ZC3H13: variants seen among roughly 807,000 people sequenced by gnomAD.
ZC3H13 encodes the protein zinc finger CCCH domain-containing protein 13.
ZC3H13 carries 64 observed loss-of-function variants against 204.1 expected under a neutral mutation model. The ratio of observed to expected loss-of-function variants is 0.31; its 90% confidence interval spans 0.26 to 0.39. The LOEUF is 0.39. ZC3H13 is among the 10% of genes least tolerant of loss of function. ZC3H13 has a pLI of 1.00. For missense variants in ZC3H13, 1,833 were observed against 2,082.7 expected, an observed-to-expected ratio of 0.88 and a Z score of 2.33; for synonymous variants, 667 against 693.7, an observed-to-expected ratio of 0.96 and a Z score of 0.60.
In ZC3H13 at chr13:46,028,480, G is replaced by A. The variant is rs185924632; in HGVS notation, c.340-7923C>T. Among the ~76,000 whole-genome samples the A allele has an allele frequency of 5.7e-4, 87 of 152,262 alleles. 1 individual carries two copies. The highest frequency in any genetic ancestry group is 8.4e-4 in the Non-Finnish European group (57 of 68,026). ...AACAAAATTGATATAATTGATTATA[G>A]ATGGCTTTATCTAACAACAGCAAAA... On this transcript the variant is annotated intron_variant, in intron 4 of 18. Transcript: ENST00000679008.
intron 7 of ZC3H13, among the ~76,000 whole-genome samples, chr13:46,005,726 T>A (rs2041092802): frequency 6.6e-6 from 1 of 152,186 alleles, no homozygotes; most frequent in African/African-American, 2.4e-5. Flanking sequence ...TGGGCTCAAG[T>A]GATCTGTCCA....
At chr13:46,041,263 C>T (rs958792399) in intron 4 of ZC3H13, among the ~76,000 whole-genome samples, 5 of 152,040 alleles carry the variant, frequency 3.3e-5, no homozygotes, top group Admixed American at 6.6e-5. Context: ...GAATAAAATA[C>T]TGATGCATCC....
rs1393846343 is a variant in ZC3H13 at position 45,985,517 on chromosome 13, G to A, written c.1500C>T (p.Ser500=). The change falls in exon 10 of 19, where the codon TCC becomes TCT. Residue 500 remains serine (S), a synonymous_variant. Coordinates refer to ENST00000679008, the MANE Select transcript of ZC3H13 (RefSeq NM_001330564.2). ...KESRDPRDSR[S]TRDAHDYRDR... Reference sequence around the variant, plus strand: ...CCCTGTAGTCATGGGCATCACGAGTGGACCGAGAATCTCTGGGATCACGGC... The same window carrying A: ...CCCTGTAGTCATGGGCATCACGAGTAGACCGAGAATCTCTGGGATCACGGC... 6.2e-7 allele frequency: 1 copy of A among 1,614,072 alleles called. No homozygotes were observed. The highest frequency in any genetic ancestry group is 8.5e-7 in the Non-Finnish European group (1 of 1,180,044).
intron 17 of ZC3H13, 93 bp from the exon 18 acceptor site, chr13:45,959,739 A>ATT (rs1446140069): frequency 2.5e-5 from 33 of 1,316,854 alleles, no homozygotes; most frequent in Non-Finnish European, 3.2e-5. Flanking sequence ...TTTATACTTT[A>ATT]TTAAAGTTAG....
chr13:46,005,469 C>T (rs966146104), intron 7 of ZC3H13, among the ~76,000 whole-genome samples: 1 of 152,002 alleles, frequency 6.6e-6, no homozygotes, highest in Non-Finnish European at 1.5e-5. Context: ...ATTTGGCAAT[C>T]TCGTTGTTCT....
chr13:46,003,387 AT>A, intron 7 of ZC3H13, 51 bp from the exon 8 acceptor site: 3 of 1,543,158 alleles, frequency 1.9e-6, no homozygotes, highest in Non-Finnish European at 1.8e-6. Flanking sequence ...CCAAAAGGAT[AT>A]TTTTTAAAGC....
At chr13:46,040,647 C>T (rs1398489960) in intron 4 of ZC3H13, among the ~76,000 whole-genome samples, 1 of 151,970 alleles carries the variant, frequency 6.6e-6, no homozygotes, top group Non-Finnish European at 1.5e-5. Flanking sequence ...TTAAAGGACA[C>T]CATCAAGAAT....
chr13:45,983,400 C>CACA (rs1312649867), intron 10 of ZC3H13, among the ~76,000 whole-genome samples: 2 of 30,844 alleles, frequency 6.5e-5, no homozygotes, highest in African/African-American at 4.9e-4. Context: ...GCCCCTTCTA[C>CACA]TTATATATAT....
chr13:46,024,259 A>C (rs1365929495), intron 4 of ZC3H13, among the ~76,000 whole-genome samples: 1 of 152,166 alleles, frequency 6.6e-6, no homozygotes. Context: ...TTTCCAACTT[A>C]ATAAAAATTT....
chr13:45,992,848 G>T (rs2040061796), intron 8 of ZC3H13, among the ~76,000 whole-genome samples: 1 of 152,092 alleles, frequency 6.6e-6, no homozygotes. Context: ...GCTGAACGTT[G>T]ATCTACCCTT....
Position 45,994,314 on chromosome 13 carries a change from G to A in ZC3H13, c.945-5217C>T, listed in dbSNP as rs1335750674. Reference sequence around the variant, plus strand: ...TGGGCTATTAGTAGCTAAGTTTGGGGGGAGTCAAAAGTTATACAAGGATTT... The same window carrying A: ...TGGGCTATTAGTAGCTAAGTTTGGGAGGAGTCAAAAGTTATACAAGGATTT... On this transcript the variant is annotated intron_variant, in intron 8 of 18. Coordinates refer to ENST00000679008, the MANE Select transcript of ZC3H13 (RefSeq NM_001330564.2). Among the ~76,000 whole-genome samples, 3 of 152,184 alleles carry A rather than the reference G, an allele frequency of 2.0e-5. No individual in the cohort carries two copies. The East Asian group carries it at 5.8e-4, about 29-fold the overall frequency.
At chr13:46,045,929 T>C (rs185780631) in intron 1 of ZC3H13, among the ~76,000 whole-genome samples, 35 of 152,276 alleles carry the variant, frequency 2.3e-4, no homozygotes, top group Non-Finnish European at 4.6e-4. Context: ...TGAAAAAGAG[T>C]TATGCTAAAG....
chr13:46,051,030 C>CT (rs2044371509), intron 1 of ZC3H13, among the ~76,000 whole-genome samples: 1 of 152,166 alleles, frequency 6.6e-6, no homozygotes, highest in Admixed American at 6.5e-5. Flanking sequence ...GTGAGGAAGA[C>CT]TATCATCCAC....
intron 17 of ZC3H13, 75 bp from the exon 18 acceptor site, chr13:45,959,721 C>A: frequency 7.3e-7 from 1 of 1,373,138 alleles, no homozygotes; most frequent in South Asian, 1.7e-5. Context: ...ACTGAATATT[C>A]TACAAATTTT....
Position 45,975,361 on chromosome 13 carries a change from C to A in ZC3H13, c.2390G>T (p.Arg797Leu). 6.2e-7 allele frequency: 1 copy of A among 1,613,992 alleles called. No homozygotes were observed. Among genetic ancestry groups the A allele is most frequent in the Non-Finnish European group, 8.5e-7 (1 of 1,179,936 alleles). The change falls in exon 12 of 19, where the codon CGA becomes CTA. Residue 797 changes from arginine (R) to leucine (L), a missense_variant. Physicochemically the swap from Arg to Leu is moderately radical, Grantham distance 102. Around this residue, in one of 5 missense-constraint regions of ZC3H13, gnomAD observed 1,574 missense variants for 1,757.2 expected, o/e 0.90. Transcript: ENST00000679008. Reference protein sequence around the residue: ...QRDWEDKDKGRDDRREKREEI... With the variant: ...QRDWEDKDKGLDDRREKREEI... ...TTCTCGCTTTTCTCTGCGGTCATCT[C>A]GTCCTTTGTCTTTGTCTTCCCAATC... is the stretch of plus-strand genomic sequence containing the variant.
intron 8 of ZC3H13, among the ~76,000 whole-genome samples, chr13:45,998,349 A>T (rs1376133438): frequency 2.0e-5 from 3 of 152,136 alleles, no homozygotes; most frequent in African/African-American, 7.2e-5. Context: ...ATAGATTTAT[A>T]TCTAAAAAAG....
intron 8 of ZC3H13, among the ~76,000 whole-genome samples, chr13:45,993,750 C>T (rs368952162): frequency 9.2e-5 from 14 of 152,196 alleles, no homozygotes; most frequent in African/African-American, 2.9e-4. Context: ...TTGCAGCAGG[C>T]TAAATACTCC....
chr13:46,044,499 C>T (rs1283656287), intron 3 of ZC3H13, among the ~76,000 whole-genome samples: 1 of 152,006 alleles, frequency 6.6e-6, no homozygotes, highest in Non-Finnish European at 1.5e-5. Flanking sequence ...ACATACTGTG[C>T]TAAGGGATTT....
At chr13:46,039,403 A>C (rs886361149) in intron 4 of ZC3H13, among the ~76,000 whole-genome samples, 5 of 152,230 alleles carry the variant, frequency 3.3e-5, no homozygotes, top group African/African-American at 1.2e-4. Flanking sequence ...ATACCAGTAT[A>C]TACCATTTAT....
Sources: gnomAD v4.1 joint callset for allele counts (sites outside exome capture counted in the v4.1 genomes callset) on GRCh38, gnomAD v4.1.1 for gene constraint, gnomAD v4.1.1 regional missense constraint, MANE v1.5 for transcripts, NCBI Gene and HGNC (gene_info 2026-07-23, HGNC 2026-07-21) for gene names.